Variants in PLEKHA6 observed in about 807,000 individuals in gnomAD.
The protein encoded by PLEKHA6 is pleckstrin homology domain-containing family A member 6.
Under a neutral mutation model 116.7 loss-of-function variants are expected in PLEKHA6, and 60 were observed. That is an observed-to-expected ratio of 0.51 (90% CI 0.42 to 0.64). PLEKHA6 has a LOEUF of 0.64. PLEKHA6 is among the 30% of genes least tolerant of loss of function. PLEKHA6 has a pLI of 0.00. For synonymous variants in PLEKHA6, 489 were observed against 556.1 expected (o/e 0.88, Z 1.70); for missense variants, 1,338 against 1,422.7 (o/e 0.94, Z 0.96).
chr1:204,267,560 G>T lies in PLEKHA6; in HGVS notation c.208-13C>A. 1 of 1,613,198 alleles carries T rather than the reference G, an allele frequency of 6.2e-7. No individual in the cohort carries two copies. Among genetic ancestry groups the T allele is most frequent in the Non-Finnish European group, 8.5e-7 (1 of 1,179,200 alleles). ...CCCCGGAGCTGGCCTGCGGGACATG[G>T]GAGAGGCAGATGTGAGGGCTGCAAG... On this transcript the variant is annotated splice_polypyrimidine_tract_variant and intron_variant, in intron 4 of 22. Transcript: ENST00000272203.
At chr1:204,246,428 C>G (rs561813818) in intron 13 of PLEKHA6, among the ~76,000 whole-genome samples, 43 of 152,274 alleles carry the variant, frequency 2.8e-4, no homozygotes, top group African/African-American at 9.1e-4. Flanking sequence ...CCCTATCCCC[C>G]CTACTAAAAT....
At chr1:204,314,578 G>A (rs1268784046) in intron 1 of PLEKHA6, among the ~76,000 whole-genome samples, 1 of 152,210 alleles carries the variant, frequency 6.6e-6, no homozygotes, top group Non-Finnish European at 1.5e-5. Flanking sequence ...TGCTGCCTCT[G>A]TAGCTCCTGG....
intron 21 of PLEKHA6, among the ~76,000 whole-genome samples, chr1:204,226,408 A>AGGGGCT (rs1660377003): frequency 2.0e-5 from 3 of 152,178 alleles, no homozygotes; most frequent in African/African-American, 2.4e-5. Flanking sequence ...AGAGAGCGCC[A>AGGGGCT]GGGGCTGGGG....
At chr1:204,323,329 C>T (rs1259245051) in intron 1 of PLEKHA6, among the ~76,000 whole-genome samples, 1 of 152,194 alleles carries the variant, frequency 6.6e-6, no homozygotes, top group Non-Finnish European at 1.5e-5. Flanking sequence ...ATCTTATCTC[C>T]GCAGCACCCC....
intron 1 of PLEKHA6, among the ~76,000 whole-genome samples, chr1:204,290,840 A>T (rs1340232106): frequency 1.3e-5 from 2 of 152,078 alleles, no homozygotes; most frequent in African/African-American, 4.8e-5. Flanking sequence ...CAATACAAAA[A>T]TTAGCCAGGC....
intron 17 of PLEKHA6, among the ~76,000 whole-genome samples, chr1:204,236,524 G>A (rs1044910958): frequency 1.3e-5 from 2 of 152,168 alleles, no homozygotes; most frequent in African/African-American, 4.8e-5. Context: ...ATCTAACGGT[G>A]GGAACTGCAG....
chr1:204,328,373 C>T (rs1672324714), intron 1 of PLEKHA6, among the ~76,000 whole-genome samples: 1 of 148,182 alleles, frequency 6.7e-6, no homozygotes, highest in African/African-American at 2.5e-5. Context: ...TGAGCCATTG[C>T]ACCCAACCCA....
At chr1:204,305,395 A>T (rs1303248339) in intron 1 of PLEKHA6, among the ~76,000 whole-genome samples, 1 of 152,190 alleles carries the variant, frequency 6.6e-6, no homozygotes, top group Non-Finnish European at 1.5e-5. Context: ...TAACCATAGC[A>T]GCATCTTTTG....
intron 15 of PLEKHA6, among the ~76,000 whole-genome samples, chr1:204,244,425 G>A (rs551313589): frequency 4.0e-5 from 6 of 151,736 alleles, no homozygotes; most frequent in Middle Eastern, 3.4e-3. Context: ...ACACGATTAC[G>A]CACCCTGCCA....
intron 21 of PLEKHA6, among the ~76,000 whole-genome samples, chr1:204,225,617 T>A (rs1329197068): frequency 6.6e-6 from 1 of 152,198 alleles, no homozygotes; most frequent in East Asian, 1.9e-4. Flanking sequence ...CAATCACACA[T>A]AAATACATGC....
intron 1 of PLEKHA6, among the ~76,000 whole-genome samples, chr1:204,298,186 C>T (rs1461367753): frequency 6.6e-6 from 1 of 152,226 alleles, no homozygotes; most frequent in African/African-American, 2.4e-5. Flanking sequence ...TCTTCTCATG[C>T]AAAAATAGTT....
At chr1:204,281,295 G>T (rs1410140740) in intron 1 of PLEKHA6, among the ~76,000 whole-genome samples, 1 of 152,176 alleles carries the variant, frequency 6.6e-6, no homozygotes. Flanking sequence ...GGAGGCAGAG[G>T]CGGGCAGATC....
chr1:204,251,429 C>T (rs561287594), intron 9 of PLEKHA6: 21 of 627,712 alleles, frequency 3.3e-5, no homozygotes, highest in Non-Finnish European at 4.6e-5. Context: ...GGCAGATGAG[C>T]GGGTTGGGTG....
chr1:204,266,343 G>T (rs1223397299), intron 5 of PLEKHA6, among the ~76,000 whole-genome samples: 1 of 152,116 alleles, frequency 6.6e-6, no homozygotes, highest in African/African-American at 2.4e-5. Flanking sequence ...GTGAACAGTG[G>T]CCCCCATTTT....
chr1:204,251,821 G>A (rs1296406744), intron 9 of PLEKHA6, among the ~76,000 whole-genome samples: 1 of 152,194 alleles, frequency 6.6e-6, no homozygotes, highest in Non-Finnish European at 1.5e-5. Context: ...AAGGGGCCGG[G>A]AGGCCACTGG....
rs776501499 is a variant in PLEKHA6, at chr1:204,257,366, A to T, written c.1511T>A (p.Ile504Asn). ...CTGGTGGCTCACCTTGGGGGAGCTGATGGATCGCCTCATCACATAGGCAGC... is the reference window on the plus strand; with the variant it reads ...CTGGTGGCTCACCTTGGGGGAGCTGTTGGATCGCCTCATCACATAGGCAGC... ...DPAAYVMRRS[I>N]SSPKVPPYPE... The change falls in exon 9 of 23, where the codon ATC (isoleucine) becomes AAC (asparagine). Residue 504 changes from isoleucine (I) to asparagine (N), a missense_variant. Ile to Asn is a moderately radical substitution (Grantham distance 149). Around this residue, in one of 3 missense-constraint regions of PLEKHA6, gnomAD observed 1,136 missense variants for 1,163.6 expected, o/e 0.98. Transcript: ENST00000272203. This position sits in a 1 kb window ranked among gnomAD's most constrained non-coding sequence, Gnocchi z 6.5. 6.4e-7 allele frequency: 1 copy of T among 1,562,136 alleles called. No homozygotes were observed. The highest frequency in any genetic ancestry group is 8.7e-7 in the Non-Finnish European group (1 of 1,152,708).
At chr1:204,340,335 G>A (rs769128713) in intron 1 of PLEKHA6, among the ~76,000 whole-genome samples, 2 of 152,120 alleles carry the variant, frequency 1.3e-5, no homozygotes, top group African/African-American at 2.4e-5. Context: ...TGTCTCTCTC[G>A]TGCCTGCAAT....
At chr1:204,251,442 G>A (rs750728236) in intron 9 of PLEKHA6, 23 of 654,704 alleles carry the variant, frequency 3.5e-5, no homozygotes, top group Middle Eastern at 3.3e-4. Context: ...GTTGGGTGGC[G>A]TGAGCCTCAT....
intron 1 of PLEKHA6, among the ~76,000 whole-genome samples, chr1:204,356,567 A>AATAATAATAAT (rs1558199879): frequency 1.5e-5 from 2 of 137,304 alleles, no homozygotes; most frequent in African/African-American, 7.0e-5. Flanking sequence ...GCCCTGTCTC[A>AATAATAATAAT]AATAATAATA....
Sources: allele counts gnomAD v4.1 joint callset (sites outside exome capture counted in the v4.1 genomes callset), GRCh38; gene constraint gnomAD v4.1.1; regional missense constraint gnomAD v4.1.1; non-coding constraint Gnocchi (gnomAD v3.1); transcripts MANE v1.5; gene names NCBI Gene and HGNC (gene_info 2026-07-23, HGNC 2026-07-21).